KCNU1: variants seen among roughly 807,000 people sequenced by gnomAD.
KCNU1 encodes potassium calcium-activated channel subfamily U member 1.
A neutral mutation model predicts 126.8 loss-of-function variants in KCNU1; 93 were observed. The observed-to-expected ratio is 0.73, with a 90% CI of 0.62 to 0.87. The LOEUF is 0.87. Among genes scored for constraint, KCNU1 ranks in the 40% least tolerant of loss-of-function variants. KCNU1 has a pLI of 0.00. For missense variants in KCNU1, 1,330 were observed against 1,367.1 expected, an observed-to-expected ratio of 0.97 and a Z score of 0.43; for synonymous variants, 523 against 494.2, an observed-to-expected ratio of 1.06 and a Z score of -0.77.
chr8:36,903,517 TTAAA>T (rs1409525818), intron 19 of KCNU1, among the ~76,000 whole-genome samples: 1 of 152,126 alleles, frequency 6.6e-6, no homozygotes, highest in Admixed American at 6.6e-5. Flanking sequence ...ACAGATACTT[TTAAA>T]TAAATAAATA....
chr8:36,931,446 T>C lies in KCNU1; in HGVS notation c.2931+301T>C, dbSNP rs545597884. 1.4e-4 allele frequency among the ~76,000 whole-genome samples: 21 copies of C among 152,290 alleles called. No homozygotes were observed. In the South Asian group the frequency reaches 4.3e-3, roughly 32 times the overall value. On this transcript the variant is annotated intron_variant, in intron 25 of 26. Coordinates refer to ENST00000399881, the MANE Select transcript of KCNU1 (RefSeq NM_001031836.3). ...GAGCATCGGAGAGGCCTGGCAACTT[T>C]GTACCTTGACAAGAGTATTCATAAT... is the stretch of plus-strand genomic sequence containing the variant.
chr8:36,837,631 C>T (rs1386505329), intron 14 of KCNU1, among the ~76,000 whole-genome samples: 2 of 152,208 alleles, frequency 1.3e-5, no homozygotes, highest in Non-Finnish European at 2.9e-5. Context: ...GTTATTTCCA[C>T]ACAATGTCTC....
chr8:36,878,729 T>C (rs1806359573), intron 19 of KCNU1, among the ~76,000 whole-genome samples: 1 of 150,990 alleles, frequency 6.6e-6, no homozygotes, highest in African/African-American at 2.4e-5. Context: ...ATAAATACTT[T>C]TAAGCATTAT....
At chr8:36,866,182 T>A (rs1420693381) in intron 19 of KCNU1, among the ~76,000 whole-genome samples, 1 of 152,172 alleles carries the variant, frequency 6.6e-6, no homozygotes, top group East Asian at 1.9e-4. Context: ...GTGTAATAAG[T>A]GCAGAGCCTT....
chr8:36,924,578 G>T (rs976372624), intron 24 of KCNU1, among the ~76,000 whole-genome samples: 4 of 152,164 alleles, frequency 2.6e-5, no homozygotes, highest in Admixed American at 2.0e-4. Flanking sequence ...GGCTCCTAAA[G>T]AGTTAAGCAG....
intron 19 of KCNU1, chr8:36,888,476 A>C (rs975269944): frequency 2.0e-6 from 1 of 493,902 alleles, no homozygotes; most frequent in Admixed American, 2.1e-5. Context: ...CTTCAGCCCC[A>C]TCACGATTAT....
At chr8:36,850,865 T>C (rs1805317916) in intron 18 of KCNU1, among the ~76,000 whole-genome samples, 2 of 152,222 alleles carry the variant, frequency 1.3e-5, no homozygotes. Flanking sequence ...ATTCAAAAAC[T>C]ATTCTTGTCA....
intron 22 of KCNU1, among the ~76,000 whole-genome samples, chr8:36,914,055 C>A (rs1807999086): frequency 6.6e-6 from 1 of 152,116 alleles, no homozygotes; most frequent in South Asian, 2.1e-4. Flanking sequence ...GCCTGTTTGG[C>A]TTTCTTAATC....
At chr8:36,880,481 T>C (rs946762768) in intron 19 of KCNU1, among the ~76,000 whole-genome samples, 1 of 152,092 alleles carries the variant, frequency 6.6e-6, no homozygotes, top group African/African-American at 2.4e-5. Context: ...ACAGATGGGG[T>C]GTCGAACACA....
chr8:36,818,017 G>A lies in KCNU1; in HGVS notation c.1106+257G>A, dbSNP rs1027428386. 5.3e-5 allele frequency among the ~76,000 whole-genome samples: 8 copies of A among 152,074 alleles called. No homozygotes were observed. The South Asian group carries it at 1.0e-3, about 20-fold the overall frequency. On this transcript the variant is annotated intron_variant, in intron 10 of 26. Coordinates refer to ENST00000399881, the MANE Select transcript of KCNU1 (RefSeq NM_001031836.3). ...ATTTGGCATTTAGGTTACTCTACACGTTATTATCATACATGACTATAATCT... is the reference window on the plus strand; with the variant it reads ...ATTTGGCATTTAGGTTACTCTACACATTATTATCATACATGACTATAATCT...
At chr8:36,833,938 T>A (rs1023275693) in intron 11 of KCNU1, among the ~76,000 whole-genome samples, 2 of 152,170 alleles carry the variant, frequency 1.3e-5, no homozygotes, top group African/African-American at 4.8e-5. Context: ...TTTATCAGCC[T>A]AAGAGGTCTG....
intron 7 of KCNU1, among the ~76,000 whole-genome samples, chr8:36,810,583 T>G (rs1803675127): frequency 6.6e-6 from 1 of 152,222 alleles, no homozygotes; most frequent in Non-Finnish European, 1.5e-5. Context: ...AGGGGATATT[T>G]GCAAAGACAA....
At chr8:36,930,868 C>T (rs926670539) in intron 24 of KCNU1, 83 bp from the exon 25 acceptor site, 1 of 863,890 alleles carries the variant, frequency 1.2e-6, no homozygotes, top group South Asian at 1.9e-5. Context: ...CAGCAATGCC[C>T]ACTAAATCTC....
intron 19 of KCNU1, among the ~76,000 whole-genome samples, chr8:36,872,540 T>A (rs1563307896): frequency 6.6e-6 from 1 of 152,136 alleles, no homozygotes; most frequent in Non-Finnish European, 1.5e-5. Context: ...GTCCTGTGGC[T>A]CAGATCCCCC....
chr8:36,919,504 C>T (rs528833349), intron 23 of KCNU1, among the ~76,000 whole-genome samples: 20 of 150,912 alleles, frequency 1.3e-4, no homozygotes, highest in African/African-American at 4.4e-4. Context: ...TACAAAACTT[C>T]CCTAGGCACG....
chr8:36,844,521 A>G (rs142056454), intron 16 of KCNU1, among the ~76,000 whole-genome samples: 329 of 152,350 alleles, frequency 2.2e-3, no homozygotes, highest in African/African-American at 7.5e-3. Flanking sequence ...ACTCATTAAT[A>G]TAAGTCAGTA....
At chr8:36,912,738 G>A (rs111295777) in intron 22 of KCNU1, among the ~76,000 whole-genome samples, 2,649 of 152,118 alleles carry the variant, frequency 0.017, 85 homozygotes, top group African/African-American at 0.06. Flanking sequence ...TTGGGAGGCC[G>A]AGGTGGGGGG....
At chr8:36,843,714 A>G (rs1050330759) in intron 16 of KCNU1, among the ~76,000 whole-genome samples, 5 of 152,206 alleles carry the variant, frequency 3.3e-5, no homozygotes, top group Non-Finnish European at 5.9e-5. Flanking sequence ...AATTCTGGGG[A>G]AAAAGCCTAT....
intron 23 of KCNU1, among the ~76,000 whole-genome samples, chr8:36,920,372 A>T (rs1483889713): frequency 1.3e-5 from 2 of 152,218 alleles, no homozygotes; most frequent in African/African-American, 4.8e-5. Flanking sequence ...TGTATACACC[A>T]AACGAATTAA....
Sources: gnomAD v4.1 joint callset for allele counts (sites outside exome capture counted in the v4.1 genomes callset) on GRCh38, gnomAD v4.1.1 for gene constraint, MANE v1.5 for transcripts, NCBI Gene and HGNC (gene_info 2026-07-23, HGNC 2026-07-21) for gene names.